The following KCTD14 variants were observed in gnomAD, a reference collection of about 807,000 sequenced individuals.
The protein encoded by KCTD14 is BTB/POZ domain-containing protein KCTD14.
Under a neutral mutation model 5.9 loss-of-function variants are expected in KCTD14, and 7 were observed. That is an observed-to-expected ratio of 1.19 (90% CI 0.68 to 2.23). KCTD14 has a LOEUF of 2.23. KCTD14 is among the 30% of genes most tolerant of loss of function. The pLI, the probability that KCTD14 is intolerant of heterozygous loss-of-function variation, is 0.00. For missense variants in KCTD14, 342 were observed against 332.2 expected (o/e 1.03, Z -0.23); for synonymous variants, 140 against 133.1 (o/e 1.05, Z -0.36).
At chr11:78,022,877 C>A in intron 1 of KCTD14, 1 of 405,672 alleles carries the variant, frequency 2.5e-6, no homozygotes, top group South Asian at 5.0e-5. Context: ...GGGAAAGGAA[C>A]TAAAGACCCA....
intron 2 of KCTD14, among the ~76,000 whole-genome samples, chr11:78,034,282 C>G (rs1857723845): frequency 6.6e-6 from 1 of 152,158 alleles, no homozygotes; most frequent in African/African-American, 2.4e-5. Flanking sequence ...AGCACCATGC[C>G]TGGCTAGTTT....
At chr11:78,025,118 GTATATATATATATATATATATATA>G (rs369374652), upstream of KCTD14, among the ~76,000 whole-genome samples, 214 of 44,486 alleles carry the variant, frequency 4.8e-3, 1 homozygote, top group African/African-American at 0.014. Flanking sequence ...GTGTGTGTGT[GTATATATATATATATATATATATA>G]TATATATATA....
intron 1 of KCTD14, among the ~76,000 whole-genome samples, chr11:78,044,162 A>G (rs1858068632): frequency 6.6e-6 from 1 of 152,070 alleles, no homozygotes; most frequent in Non-Finnish European, 1.5e-5. Flanking sequence ...CAAAACAGGG[A>G]GTAGAGGGCG....
chr11:78,040,965 C>G lies in KCTD14; in HGVS notation c.-95-2207G>C, dbSNP rs112290669. Reference sequence around the variant, plus strand: ...GATTATAGGTGTGAGCCACCGCGCCCGGCCACTAGGACTTAATTTGAATGG... The same window carrying G: ...GATTATAGGTGTGAGCCACCGCGCCGGGCCACTAGGACTTAATTTGAATGG... On this transcript the variant is annotated intron_variant, in intron 1 of 2. Coordinates refer to the KCTD14 transcript ENST00000533144. Among the ~76,000 whole-genome samples the G allele has an allele frequency of 8.7e-3, 1,325 of 152,330 alleles. 14 individuals are homozygous for G. The highest frequency in any genetic ancestry group is 0.028 in the African/African-American group (1,164 of 41,564).
At chr11:78,031,753 A>C (rs1857623884) in intron 2 of KCTD14, among the ~76,000 whole-genome samples, 1 of 152,242 alleles carries the variant, frequency 6.6e-6, no homozygotes, top group Non-Finnish European at 1.5e-5. Context: ...GGCACCAGGC[A>C]CTGGGGAAAG....
intron 2 of KCTD14, among the ~76,000 whole-genome samples, chr11:78,028,689 G>A (rs923055279): frequency 1.3e-5 from 2 of 151,586 alleles, no homozygotes; most frequent in Non-Finnish European, 2.9e-5. Context: ...ACCTGTGATC[G>A]CAGCACTTTG....
intron 2 of KCTD14, among the ~76,000 whole-genome samples, chr11:78,035,070 C>T (rs1289130005): frequency 2.6e-5 from 4 of 152,138 alleles, no homozygotes; most frequent in African/African-American, 7.2e-5. Flanking sequence ...CCTGGAGTTT[C>T]CGGTTAGGTG....
At chr11:78,024,898 T>A (rs1857408343), upstream of KCTD14, among the ~76,000 whole-genome samples, 2 of 151,416 alleles carry the variant, frequency 1.3e-5, no homozygotes, top group African/African-American at 4.9e-5. Flanking sequence ...TGAGCTGAGA[T>A]CAAGCCATTG....
upstream of KCTD14, among the ~76,000 whole-genome samples, chr11:78,025,122 A>G (rs955801554): frequency 4.0e-3 from 182 of 45,488 alleles, 1 homozygote; most frequent in East Asian, 0.015. Flanking sequence ...GTGTGTGTAT[A>G]TATATATATA....
intron 2 of KCTD14, among the ~76,000 whole-genome samples, chr11:78,028,291 G>A (rs1372606674): frequency 1.3e-5 from 2 of 152,080 alleles, no homozygotes; most frequent in African/African-American, 2.4e-5. Context: ...GGAAAAATCT[G>A]AGAAACTGTC....
chr11:78,027,349 A>G (rs1306815046), upstream of KCTD14, among the ~76,000 whole-genome samples: 1 of 147,548 alleles, frequency 6.8e-6, no homozygotes, highest in Admixed American at 7.0e-5. Context: ...CCTGGGCAGC[A>G]TAGCAAGACC....
chr11:78,035,378 A>G (rs1476793471), intron 2 of KCTD14, among the ~76,000 whole-genome samples: 1 of 151,958 alleles, frequency 6.6e-6, no homozygotes, highest in Non-Finnish European at 1.5e-5. Context: ...TCGAGTTCCT[A>G]TACATTGGCT....
chr11:78,038,992 TA>T (rs1168150715), intron 1 of KCTD14, among the ~76,000 whole-genome samples: 2 of 140,222 alleles, frequency 1.4e-5, no homozygotes, highest in Admixed American at 7.7e-5. Flanking sequence ...GCGCCCTGCC[TA>T]AAACTCATGG....
chr11:78,042,760 T>C (rs59992318), intron 1 of KCTD14, among the ~76,000 whole-genome samples: 3,193 of 152,278 alleles, frequency 0.021, 112 homozygotes, highest in African/African-American at 0.073. Flanking sequence ...TTCTCTCTCC[T>C]GCAGAGAGAA....
In KCTD14 at chr11:78,016,936, A is replaced by G; in HGVS notation, c.425T>C (p.Val142Ala). The G allele has an allele frequency of 6.2e-7, 1 of 1,614,190 alleles. No homozygotes were observed. The highest frequency in any genetic ancestry group is 1.3e-5 in the African/African-American group (1 of 75,042). The change falls in exon 2 of 2, where the codon GTG becomes GCG. Residue 142 changes from valine (V) to alanine (A), a missense_variant. Coordinates refer to ENST00000353172, the MANE Select transcript of KCTD14 (RefSeq NM_023930.4). The part of the protein sequence containing the change: ...QVSRKQFLLQ[V>A]PGYSENLELM... ...CTCCAGGTTCTCGCTGTAGCCCGGC[A>G]CTTGCAGCAAAAACTGCTTCCGAGA...
chr11:78,039,631 T>C (rs1857934550), intron 1 of KCTD14, among the ~76,000 whole-genome samples: 1 of 151,692 alleles, frequency 6.6e-6, no homozygotes, highest in Non-Finnish European at 1.5e-5. Context: ...GCTAGGCATG[T>C]TGATATGTGT....
chr11:78,040,731 C>T (rs1050504319), intron 1 of KCTD14, among the ~76,000 whole-genome samples: 9 of 151,952 alleles, frequency 5.9e-5, no homozygotes, highest in Non-Finnish European at 8.8e-5. Context: ...AGTGCAATGG[C>T]GTGATCTTGG....
upstream of KCTD14, among the ~76,000 whole-genome samples, chr11:78,026,312 C>G (rs1021941717): frequency 1.3e-5 from 2 of 152,010 alleles, no homozygotes; most frequent in Non-Finnish European, 2.9e-5. Context: ...TGGTGCGTGC[C>G]TGTATCCCCG....
rs560089336 is a variant in KCTD14 at position 78,035,881 on chromosome 11, C to G, written c.-1+2783G>C. On this transcript the variant is annotated intron_variant, in intron 2 of 2. Coordinates refer to the KCTD14 transcript ENST00000533144. Reference sequence around the variant, plus strand: ...AAAAAAAAAACAGTCCCTTCATGGCCGGGCACAGTGGCTCACGCCTGTAAT... The same window carrying G: ...AAAAAAAAAACAGTCCCTTCATGGCGGGGCACAGTGGCTCACGCCTGTAAT... Among the ~76,000 whole-genome samples the G allele has an allele frequency of 1.0e-4, 15 of 146,844 alleles. No homozygotes were observed. In the East Asian group the frequency reaches 3.0e-3, roughly 30 times the overall value.
Sources: gnomAD v4.1 joint callset for allele counts (sites outside exome capture counted in the v4.1 genomes callset) on GRCh38, gnomAD v4.1.1 for gene constraint, MANE v1.5 for transcripts, NCBI Gene and HGNC (gene_info 2026-07-23, HGNC 2026-07-21) for gene names.